FBXL2: variants seen among roughly 807,000 people sequenced by gnomAD.
FBXL2 encodes the protein F-box/LRR-repeat protein 2.
In FBXL2, 38 loss-of-function variants were observed where a neutral mutation model predicts 69.2. That is an observed-to-expected ratio of 0.55 (90% CI 0.42 to 0.72). The LOEUF (loss-of-function observed/expected upper bound fraction) is 0.72. FBXL2 is among the 30% of genes least tolerant of loss of function. The pLI is 0.00. For synonymous variants in FBXL2, 192 were observed against 201.3 expected, an observed-to-expected ratio of 0.95 and a Z score of 0.39; for missense variants, 354 against 520.3, an observed-to-expected ratio of 0.68 and a Z score of 3.11.
chr3:33,356,312 G>C (rs778971777), intron 2 of FBXL2, among the ~76,000 whole-genome samples: 2 of 152,128 alleles, frequency 1.3e-5, no homozygotes, highest in African/African-American at 2.4e-5. Context: ...GTAACACTGG[G>C]AAGTGATCCC....
chr3:33,334,929 C>T (rs2125836904), intron 2 of FBXL2, among the ~76,000 whole-genome samples: 1 of 151,844 alleles, frequency 6.6e-6, no homozygotes, highest in Non-Finnish European at 1.5e-5. Context: ...AAAAATACCC[C>T]TCCCCCCACC....
At chr3:33,377,458 A>C in intron 11 of FBXL2, 125 bp downstream of exon 11, 1 of 883,842 alleles carries the variant, frequency 1.1e-6, no homozygotes, top group Non-Finnish European at 1.8e-6. Context: ...GTAGAGTAGA[A>C]CCCTTGGGGT....
chr3:33,329,313 G>A (rs1482245781), intron 2 of FBXL2, among the ~76,000 whole-genome samples: 1 of 151,070 alleles, frequency 6.6e-6, no homozygotes, highest in Non-Finnish European at 1.5e-5. Context: ...ATACACTGTT[G>A]GTGAGAATGT....
chr3:33,341,098 T>G (rs764439716), intron 2 of FBXL2, among the ~76,000 whole-genome samples: 4 of 152,140 alleles, frequency 2.6e-5, no homozygotes, highest in South Asian at 2.1e-4. Flanking sequence ...TTTCAATGCT[T>G]CTTATTACAA....
At position 33,386,706 on chromosome 3, in the gene FBXL2, C is replaced by A. The variant is rs1425458461; in HGVS notation, c.*1098C>A. 3 of 152,150 alleles carry A rather than the reference C, an allele frequency of 2.0e-5. No individual in the cohort carries two copies. Among genetic ancestry groups the A allele is most frequent in the Non-Finnish European group, 4.4e-5 (3 of 68,024 alleles). The allele number at this position is 152,150 out of a possible 1,614,324, so 9.4% of individuals were successfully genotyped here. ...AGCAAAACCATTTTCCAAATGCAGA[C>A]CTTCCTGATGTTATCTGAAATCTGA... On this transcript the variant is annotated 3_prime_UTR_variant, in exon 15 of 15. Coordinates refer to ENST00000484457, the MANE Select transcript of FBXL2 (RefSeq NM_012157.5).
intron 5 of FBXL2, among the ~76,000 whole-genome samples, chr3:33,369,991 A>C (rs1308437158): frequency 6.6e-6 from 1 of 152,192 alleles, no homozygotes; most frequent in African/African-American, 2.4e-5. Context: ...CTGTAGACAC[A>C]TATTTTTATC....
the FBXL2 span, chr3:33,408,879 T>G: frequency 8.0e-7 from 1 of 1,247,818 alleles, no homozygotes; most frequent in Non-Finnish European, 1.2e-6. Context: ...GTCTCTTCAG[T>G]CCAATTAAAC....
chr3:33,342,781 A>G (rs1022034985), intron 2 of FBXL2, among the ~76,000 whole-genome samples: 6 of 112,220 alleles, frequency 5.3e-5, no homozygotes, highest in African/African-American at 1.0e-4. Context: ...GCTGGAGTGC[A>G]GTGGCGCGAT....
chr3:33,385,903 C>T lies in FBXL2; in HGVS notation c.*295C>T, dbSNP rs546863326. On this transcript the variant is annotated 3_prime_UTR_variant, in exon 15 of 15. Transcript: ENST00000484457. The stretch of plus-strand genomic sequence containing the variant: ...TAAGAGATTGGTACCTACCTAGGTA[C>T]GAAAGTTCTACCCTTGGCATACTCA... 1.8e-5 allele frequency: 7 copies of T among 394,796 alleles called. No individual in the cohort carries two copies. The East Asian group carries it at 2.2e-4, about 12-fold the overall frequency. The allele number at this position is 394,796 out of a possible 1,614,324, so 24.5% of individuals were successfully genotyped here. A position where few individuals can be genotyped will look rare whatever the true frequency, so the allele number is the denominator to read the frequency against.
intron 2 of FBXL2, among the ~76,000 whole-genome samples, chr3:33,302,323 T>C (rs1226981482): frequency 1.3e-5 from 2 of 152,178 alleles, no homozygotes; most frequent in African/African-American, 4.8e-5. Context: ...TAAGCAAATG[T>C]GTGGTGGTGT....
chr3:33,290,877 G>C (rs1357040045), intron 1 of FBXL2, among the ~76,000 whole-genome samples: 1 of 151,642 alleles, frequency 6.6e-6, no homozygotes, highest in South Asian at 2.1e-4. Flanking sequence ...AAGGTGAACA[G>C]TAATATGAAT....
At chr3:33,323,992 C>T (rs1367773240) in intron 2 of FBXL2, among the ~76,000 whole-genome samples, 4 of 152,106 alleles carry the variant, frequency 2.6e-5, no homozygotes, top group Admixed American at 6.6e-5. Flanking sequence ...TTTTAATGAT[C>T]GCCATTCTAA....
chr3:33,400,425 G>A, intron 12 of FBXL2: 1 of 566,914 alleles, frequency 1.8e-6, no homozygotes, highest in Non-Finnish European at 3.0e-6. Flanking sequence ...AATGATGCAG[G>A]CCCTTGTCAG....
At chr3:33,332,543 A>T (rs1403299176) in intron 2 of FBXL2, among the ~76,000 whole-genome samples, 1 of 152,238 alleles carries the variant, frequency 6.6e-6, no homozygotes, top group East Asian at 1.9e-4. Flanking sequence ...CAACGGATAA[A>T]TGTATGAACT....
chr3:33,292,703 A>G (rs1244668327), intron 1 of FBXL2, among the ~76,000 whole-genome samples: 1 of 152,126 alleles, frequency 6.6e-6, no homozygotes, highest in Admixed American at 6.6e-5. Flanking sequence ...TAAATTTACT[A>G]ACTAAAATGT....
chr3:33,325,977 A>G (rs948887861), intron 2 of FBXL2, among the ~76,000 whole-genome samples: 1 of 152,212 alleles, frequency 6.6e-6, no homozygotes, highest in African/African-American at 2.4e-5. Context: ...GTGCATACAT[A>G]TCAGGCTAAT....
At chr3:33,414,062 T>C in the FBXL2 span, 1 of 151,540 alleles carries the variant, frequency 6.6e-6, no homozygotes, top group Non-Finnish European at 1.5e-5. Context: ...AGAGCTTTAC[T>C]AAGCCCCATT....
chr3:33,393,443 T>C (rs1250214523), intron 12 of FBXL2: 2 of 1,596,850 alleles, frequency 1.3e-6, no homozygotes, highest in Non-Finnish European at 1.7e-6. Flanking sequence ...TCCAAGTAGA[T>C]TGCATGATAA....
chr3:33,401,982 G>C (rs966332520), intron 12 of FBXL2, among the ~76,000 whole-genome samples: 6 of 151,422 alleles, frequency 4.0e-5, no homozygotes, highest in African/African-American at 1.4e-4. Context: ...ACAACAAGCT[G>C]CCTTCTCAGT....
Sources: gnomAD v4.1 joint callset for allele counts (sites outside exome capture counted in the v4.1 genomes callset) on GRCh38, gnomAD v4.1.1 for gene constraint, MANE v1.5 for transcripts, NCBI Gene and HGNC (gene_info 2026-07-23, HGNC 2026-07-21) for gene names.